Variants in LAMA2 observed in about 807,000 individuals in gnomAD.
The protein encoded by LAMA2 is laminin subunit alpha-2.
In LAMA2, 269 loss-of-function variants were observed where a neutral mutation model predicts 364.8. The observed-to-expected ratio is 0.74, with a 90% CI of 0.67 to 0.82. LAMA2 has a LOEUF of 0.82. LAMA2 is among the 40% of genes least tolerant of loss of function. LAMA2 has a pLI of 0.00. For missense variants in LAMA2, 3,807 were observed against 3,873.2 expected (o/e 0.98, Z 0.45); for synonymous variants, 1,379 against 1,370.6 (o/e 1.01, Z -0.14).
chr6:129,034,387 G>A (rs565980573), intron 1 of LAMA2, among the ~76,000 whole-genome samples: 58 of 152,162 alleles, frequency 3.8e-4, no homozygotes, highest in South Asian at 1.9e-3. Context: ...TTACAGAGGT[G>A]CACTATTTTG....
chr6:129,472,737 T>G (rs1783875104), intron 51 of LAMA2, among the ~76,000 whole-genome samples: 1 of 151,958 alleles, frequency 6.6e-6, no homozygotes, highest in African/African-American at 2.4e-5. Context: ...ACAATCATAT[T>G]TTACAACAGT....
chr6:129,107,757 G>A (rs1775916909), intron 4 of LAMA2, among the ~76,000 whole-genome samples: 2 of 152,206 alleles, frequency 1.3e-5, no homozygotes, highest in Admixed American at 1.3e-4. Flanking sequence ...TTACAGAGAG[G>A]TCAAATAACT....
At chr6:129,493,575 T>C (rs1784996911) in intron 58 of LAMA2, among the ~76,000 whole-genome samples, 1 of 152,230 alleles carries the variant, frequency 6.6e-6, no homozygotes, top group Non-Finnish European at 1.5e-5. Context: ...AGATAATGTT[T>C]GTTCAATGAC....
intron 33 of LAMA2, among the ~76,000 whole-genome samples, chr6:129,369,164 G>A (rs1379298273): frequency 1.3e-5 from 2 of 152,136 alleles, no homozygotes; most frequent in Non-Finnish European, 2.9e-5. Context: ...TTAATAAGGA[G>A]GCAGTGTTCA....
Position 129,063,745 on chromosome 6 carries a change from T to A in LAMA2, c.396+3849T>A, listed in dbSNP as rs145382825. Among the ~76,000 whole-genome samples the A allele has an allele frequency of 7.2e-5, 11 of 152,304 alleles. No individual in the cohort carries two copies. The East Asian group carries it at 2.1e-3, about 29-fold the overall frequency. On this transcript the variant is annotated intron_variant, in intron 3 of 64. Coordinates refer to ENST00000421865, the MANE Select transcript of LAMA2 (RefSeq NM_000426.4). Reference sequence around the variant, plus strand: ...CTCCACATATTCTTAACCTAAATATTTTATTCACTGATCTTGCAGAGAAAA... The same window carrying A: ...CTCCACATATTCTTAACCTAAATATATTATTCACTGATCTTGCAGAGAAAA...
chr6:129,460,118 T>C (rs932352142), intron 48 of LAMA2, 82 bp from the exon 49 acceptor site: 5 of 1,296,220 alleles, frequency 3.9e-6, no homozygotes, highest in Non-Finnish European at 3.4e-6. Flanking sequence ...CTTTAGTTTC[T>C]GCTGATAATA....
In LAMA2 at chr6:129,401,310, T is replaced by C. The variant is rs756871679; in HGVS notation, c.5532T>C (p.Arg1844=). 6.2e-7 allele frequency: 1 copy of C among 1,610,896 alleles called. No individual in the cohort carries two copies. The highest frequency in any genetic ancestry group is 8.5e-7 in the Non-Finnish European group (1 of 1,177,160). Residue 1844 remains arginine, a synonymous_variant, in exon 38 of 65, where the codon CGT becomes CGC. Transcript: ENST00000421865. ...ATGACATACTCGATGAAGCCAACCG[T>C]CTTGCAGATGAAATCAACTCCATCA... ...EGNDILDEAN[R]LADEINSIID... is the part of the protein sequence containing the mutation.
At chr6:128,943,342 G>A (rs1780286747) in intron 1 of LAMA2, among the ~76,000 whole-genome samples, 1 of 151,476 alleles carries the variant, frequency 6.6e-6, no homozygotes, top group Admixed American at 6.6e-5. Flanking sequence ...GGGGTGCTGT[G>A]GTGCAATTAT....
intron 17 of LAMA2, among the ~76,000 whole-genome samples, chr6:129,278,831 G>T (rs1164204477): frequency 2.0e-5 from 3 of 152,074 alleles, no homozygotes; most frequent in Admixed American, 6.6e-5. Flanking sequence ...GACTTACCTG[G>T]TCCTAATACC....
intron 40 of LAMA2, among the ~76,000 whole-genome samples, chr6:129,417,198 C>A (rs1265701501): frequency 6.6e-6 from 1 of 152,100 alleles, no homozygotes; most frequent in Non-Finnish European, 1.5e-5. Context: ...GTCCCACATC[C>A]TGGAAGAATG....
chr6:129,046,128 T>C (rs1266845988), intron 1 of LAMA2, among the ~76,000 whole-genome samples: 2 of 152,228 alleles, frequency 1.3e-5, no homozygotes, highest in African/African-American at 2.4e-5. Context: ...TCCCAGCATG[T>C]CTCTTTGTTC....
At chr6:129,036,630 A>AT in intron 1 of LAMA2, among the ~76,000 whole-genome samples, 4 of 151,874 alleles carry the variant, frequency 2.6e-5, no homozygotes, top group African/African-American at 9.6e-5. Context: ...ACTTTTTCTG[A>AT]TTAAAAAAAA....
intron 40 of LAMA2, among the ~76,000 whole-genome samples, chr6:129,416,658 A>T (rs1780806660): frequency 6.6e-6 from 1 of 152,166 alleles, no homozygotes; most frequent in South Asian, 2.1e-4. Flanking sequence ...ACCAGCTGGA[A>T]ACCTCTGTGG....
At chr6:129,182,758 A>G (rs1047650905) in intron 10 of LAMA2, among the ~76,000 whole-genome samples, 2 of 151,808 alleles carry the variant, frequency 1.3e-5, no homozygotes, top group Non-Finnish European at 2.9e-5. Flanking sequence ...AGGAAAGGGA[A>G]TAAAACAGAA....
chr6:129,156,318 T>C (rs929172038), intron 8 of LAMA2, among the ~76,000 whole-genome samples: 84 of 152,094 alleles, frequency 5.5e-4, no homozygotes, highest in African/African-American at 2.0e-3. Context: ...CCAATGAACA[T>C]AGCATATCTC....
chr6:129,486,166 T>A (rs956717006), intron 55 of LAMA2, among the ~76,000 whole-genome samples: 2 of 152,206 alleles, frequency 1.3e-5, no homozygotes, highest in African/African-American at 4.8e-5. Flanking sequence ...TGACACCCTT[T>A]GTCTCCTGAT....
intron 1 of LAMA2, chr6:128,905,266 A>G (rs183147356): frequency 3.2e-4 from 49 of 152,336 alleles, no homozygotes; most frequent in Admixed American, 1.0e-3. Context: ...TATTTTGATA[A>G]TCATTTAGAT....
intron 17 of LAMA2, among the ~76,000 whole-genome samples, chr6:129,273,654 C>A (rs1394055451): frequency 6.6e-6 from 1 of 151,914 alleles, no homozygotes; most frequent in Non-Finnish European, 1.5e-5. Context: ...ATTGTTGTTC[C>A]TGAAAAAGAA....
intron 29 of LAMA2, among the ~76,000 whole-genome samples, chr6:129,334,637 A>G (rs949378102): frequency 6.6e-6 from 1 of 152,242 alleles, no homozygotes; most frequent in Non-Finnish European, 1.5e-5. Flanking sequence ...GTAACAAAAT[A>G]TCATAAACTG....
Sources: allele counts gnomAD v4.1 joint callset (sites outside exome capture counted in the v4.1 genomes callset), GRCh38; gene constraint gnomAD v4.1.1; transcripts MANE v1.5; gene names NCBI Gene and HGNC (gene_info 2026-07-23, HGNC 2026-07-21).